The following RNF40 variants were observed in gnomAD, a reference collection of about 807,000 sequenced individuals.
RNF40 encodes E3 ubiquitin-protein ligase BRE1B.
A neutral mutation model predicts 123.3 loss-of-function variants in RNF40; 39 were observed. The observed-to-expected ratio is 0.32, with a 90% CI of 0.24 to 0.41. RNF40 has a LOEUF of 0.41. Ranked by LOEUF, RNF40 falls within the 10% of genes least tolerant of loss-of-function variation. The pLI, the probability that RNF40 is intolerant of heterozygous loss-of-function variation, is 1.00. For missense variants in RNF40, 1,003 were observed against 1,319.9 expected (o/e 0.76, Z 3.72); for synonymous variants, 538 against 526.0 (o/e 1.02, Z -0.31).
Position 30,763,172 on chromosome 16 carries a change from C to G in RNF40, c.187C>G (p.Leu63Val). The change falls in exon 3 of 20, where the codon CTG (leucine) becomes GTG (valine). Residue 63 changes from leucine (L) to valine (V), a missense_variant. Transcript: ENST00000324685. ...CAAGAACAAGAAACTGGCAGAGCGG[C>G]TGGAACAACGGCAGGCTTGTGAAGA... Reference protein sequence around the residue: ...QFKNKKLAERLEQRQACEDEL... With the variant: ...QFKNKKLAERVEQRQACEDEL... 1.2e-6 allele frequency: 2 copies of G among 1,613,936 alleles called. No individual in the cohort carries two copies. The highest frequency in any genetic ancestry group is 1.7e-6 in the Non-Finnish European group (2 of 1,180,036).
Position 30,766,564 on chromosome 16 carries a change from GC to G in RNF40, c.1293+9del, listed in dbSNP as rs1008284671. On this transcript the variant is annotated splice_region_variant and intron_variant, in intron 10 of 19. Coordinates refer to ENST00000324685, the MANE Select transcript of RNF40 (RefSeq NM_014771.4). This position sits in a 1 kb window ranked among gnomAD's most constrained non-coding sequence, Gnocchi z 5.4. ...GACACATCGAGCACATGGAGGTATG[GC>G]CCTGGAACAGGCGTTAGGGCTGGGC... 6 of 1,604,600 alleles carry G rather than the reference GC, an allele frequency of 3.7e-6. No individual in the cohort carries two copies. The highest frequency in any genetic ancestry group is 5.1e-6 in the Non-Finnish European group (6 of 1,174,306).
At position 30,766,833 on chromosome 16, in the gene RNF40, G is replaced by A; in HGVS notation, c.1386G>A (p.Leu462=). ...AGGTACGCAAGGAGTATGAGATGCT[G>A]CGCATCGAGTTTGAGCAGAATCTGG... The part of the protein sequence containing the change: ...LAQVRKEYEM[L]RIEFEQNLAA... The change falls in exon 11 of 20, where the codon CTG becomes CTA. Residue 462 remains leucine (L), a synonymous_variant. Coordinates refer to ENST00000324685, the MANE Select transcript of RNF40 (RefSeq NM_014771.4). The surrounding 1 kb of genome is among the most constrained non-coding windows in gnomAD (Gnocchi z 5.4). 1 of 1,613,928 alleles carries A rather than the reference G, an allele frequency of 6.2e-7. No individual in the cohort carries two copies. Among genetic ancestry groups the A allele is most frequent in the Non-Finnish European group, 8.5e-7 (1 of 1,180,004 alleles).
chr16:30,771,388 C>T (rs953145806), intron 17 of RNF40, among the ~76,000 whole-genome samples: 6 of 151,874 alleles, frequency 4.0e-5, no homozygotes, highest in Non-Finnish European at 5.9e-5. Flanking sequence ...GAGGCCGAGG[C>T]GGGCAGATCA....
rs920010396 is a variant in RNF40, at chr16:30,775,416, G to A, written c.*1302G>A. 1.1e-5 allele frequency: 2 copies of A among 190,060 alleles called. No homozygotes were observed. The highest frequency in any genetic ancestry group is 2.2e-5 in the Non-Finnish European group (2 of 90,678). 11.8% of individuals were successfully genotyped at this position (190,060 alleles called of 1,614,324 possible). A position where few individuals can be genotyped will look rare whatever the true frequency, so the allele number is the denominator to read the frequency against. On this transcript the variant is annotated 3_prime_UTR_variant, in exon 20 of 20. Transcript: ENST00000324685. ...ACGTCCTTGGCTGTCATGGCCGGGG[G>A]ATGCCGGGACTCCTCGGGCTGCATC... is the stretch of plus-strand genomic sequence containing the variant.
chr16:30,767,442 TTAAC>T (rs1390812129), intron 11 of RNF40, among the ~76,000 whole-genome samples: 2 of 151,976 alleles, frequency 1.3e-5, no homozygotes, highest in Non-Finnish European at 1.5e-5. Context: ...CTAGAAGAAG[TTAAC>T]TAACTTTTGT....
At position 30,763,539 on chromosome 16, in the gene RNF40, C is replaced by T. The variant is rs746042406; in HGVS notation, c.422C>T (p.Pro141Leu). The T allele has an allele frequency of 6.8e-6, 11 of 1,613,958 alleles. No homozygotes were observed. Among genetic ancestry groups the T allele is most frequent in the East Asian group, 4.5e-5 (2 of 44,896 alleles). The change falls in exon 4 of 20, where the codon CCG (proline) becomes CTG (leucine). Residue 141 changes from proline to leucine, a missense_variant. Physicochemically the swap from Pro to Leu is moderately conservative, Grantham distance 98. Around this residue, in one of 11 missense-constraint regions of RNF40, gnomAD observed 104 missense variants for 85.2 expected, o/e 1.22. Transcript: ENST00000324685. ...PTCDGTPLPEPGTSELRDPLL... is the reference protein window; with the variant it reads ...PTCDGTPLPELGTSELRDPLL... ...TGTGATGGGACTCCTCTCCCAGAGC[C>T]GGGGACATCAGAGCTGAGAGGTAGG...
At chr16:30,761,847 C>A (rs1186523557), upstream of RNF40, 1 of 1,170,284 alleles carries the variant, frequency 8.5e-7, no homozygotes, top group South Asian at 1.6e-5. Context: ...CGGGCCCGTT[C>A]GCCTCGCTCC....
At chr16:30,772,733 ACCT>A (rs1555472989) in intron 19 of RNF40, among the ~76,000 whole-genome samples, 6 of 152,268 alleles carry the variant, frequency 3.9e-5, no homozygotes, top group South Asian at 4.1e-4. Flanking sequence ...GGGCCGTGTC[ACCT>A]CCTGAAGAGT....
chr16:30,772,956 G>T (rs965111919), intron 19 of RNF40, among the ~76,000 whole-genome samples: 3 of 152,198 alleles, frequency 2.0e-5, no homozygotes, highest in Admixed American at 1.3e-4. Context: ...AATGCATGGA[G>T]TGAGGGAAAG....
rs1425086651 is a variant in RNF40 at position 30,774,059 on chromosome 16, C to G, written c.2951C>G (p.Pro984Arg). The G allele has an allele frequency of 6.2e-7, 1 of 1,613,936 alleles. No individual in the cohort carries two copies. The highest frequency in any genetic ancestry group is 8.5e-7 in the Non-Finnish European group (1 of 1,179,922). Residue 984 changes from proline to arginine, a missense_variant, in exon 20 of 20, where the codon CCC becomes CGC. Pro to Arg is a moderately radical substitution (Grantham distance 103). Coordinates refer to ENST00000324685, the MANE Select transcript of RNF40 (RefSeq NM_014771.4). Reference sequence around the variant, plus strand: ...TATGAGGCCCGCCAGAGGAAGTGCCCCAAGTGCAACGCGGCCTTTGGTGCC... The same window carrying G: ...TATGAGGCCCGCCAGAGGAAGTGCCGCAAGTGCAACGCGGCCTTTGGTGCC... Reference protein sequence around the residue: ...GRYEARQRKCPKCNAAFGAHD... With the variant: ...GRYEARQRKCRKCNAAFGAHD...
chr16:30,763,973 A>C (rs939406233), intron 4 of RNF40, among the ~76,000 whole-genome samples: 3 of 152,120 alleles, frequency 2.0e-5, no homozygotes, highest in African/African-American at 7.2e-5. Flanking sequence ...TTCCCTGAGG[A>C]TGTGATACGC....
chr16:30,767,095 G>T (rs921433831), intron 11 of RNF40, among the ~76,000 whole-genome samples: 1 of 152,214 alleles, frequency 6.6e-6, no homozygotes, highest in African/African-American at 2.4e-5. Context: ...AGTCTGAGCT[G>T]TCAGCCCTGT....
rs1436214718 is a variant in RNF40 at position 30,768,842 on chromosome 16, A to G, written c.2102A>G (p.Asp701Gly). ...TTCTTCTTCCCTGTGCTATAGGTTG[A>G]TGAGCTGCGGAGCCGCATCCGGGAA... The part of the protein sequence containing the change: ...AAERKAKAEV[D>G]ELRSRIRELE... Residue 701 changes from aspartate (D) to glycine (G), a missense_variant, in exon 15 of 20, where the codon GAT becomes GGT. Around this residue, in one of 11 missense-constraint regions of RNF40, gnomAD observed 295 missense variants for 331.7 expected, o/e 0.89. Transcript: ENST00000324685. This position sits in a 1 kb window ranked among gnomAD's most constrained non-coding sequence, Gnocchi z 4.1. 3.1e-6 allele frequency: 5 copies of G among 1,614,218 alleles called. No homozygotes were observed. In the Admixed American group the frequency reaches 8.3e-5, roughly 27 times the overall value.
chr16:30,770,119 A>T (rs867674529), intron 17 of RNF40, among the ~76,000 whole-genome samples: 1 of 98,908 alleles, frequency 1.0e-5, no homozygotes, highest in Non-Finnish European at 2.0e-5. Flanking sequence ...AAAACAAAAG[A>T]TTTTTGAGTT....
At chr16:30,769,050 G>T in intron 15 of RNF40, 63 bp downstream of exon 15, 2 of 1,605,368 alleles carry the variant, frequency 1.2e-6, no homozygotes, top group East Asian at 2.2e-5. Context: ...CCTGTTTGGT[G>T]CCTCTAGTGC....
At chr16:30,769,043 G>A (rs1392897546) in intron 15 of RNF40, 56 bp downstream of exon 15, 26 of 1,609,810 alleles carry the variant, frequency 1.6e-5, no homozygotes, top group Admixed American at 5.0e-5. Context: ...TTCATACCCT[G>A]TTTGGTGCCT....
intron 4 of RNF40, among the ~76,000 whole-genome samples, chr16:30,763,797 G>A (rs1261927356): frequency 1.3e-5 from 2 of 152,206 alleles, no homozygotes; most frequent in African/African-American, 4.8e-5. Context: ...TTATGGTTGA[G>A]TATTAAATAT....
In RNF40 at chr16:30,774,192, T is replaced by C. The variant is rs770033083; in HGVS notation, c.*78T>C. The stretch of plus-strand genomic sequence containing the variant: ...CATCTCCTCCCCACCCCAGGTCTAG[T>C]GGCCCCACCCTCCATTCCGGACCCC... On this transcript the variant is annotated 3_prime_UTR_variant, in exon 20 of 20. Transcript: ENST00000324685. The C allele has an allele frequency of 7.3e-5, 106 of 1,459,372 alleles. No individual in the cohort carries two copies. Among genetic ancestry groups the C allele is most frequent in the Non-Finnish European group, 8.7e-5 (94 of 1,081,660 alleles). The allele number at this position is 1,459,372 out of a possible 1,614,324, so 90.4% of individuals were successfully genotyped here.
intron 18 of RNF40, 39 bp downstream of exon 18, chr16:30,772,012 C>T (rs775444019): frequency 2.4e-5 from 38 of 1,584,254 alleles, no homozygotes; most frequent in Non-Finnish European, 2.9e-5. Context: ...GGGTGGTCCA[C>T]GGTCACGGAC....
Sources: allele counts gnomAD v4.1 joint callset (sites outside exome capture counted in the v4.1 genomes callset), GRCh38; gene constraint gnomAD v4.1.1; regional missense constraint gnomAD v4.1.1; non-coding constraint Gnocchi (gnomAD v3.1); transcripts MANE v1.5; gene names NCBI Gene and HGNC (gene_info 2026-07-23, HGNC 2026-07-21).